Variants in MBD5 observed in about 807,000 individuals in gnomAD.
MBD5 encodes the protein methyl-CpG binding domain protein 5, also known as methyl-CpG-binding domain protein 5.
Under a neutral mutation model 117.3 loss-of-function variants are expected in MBD5, and 13 were observed. That is an observed-to-expected ratio of 0.11 (90% CI 0.07 to 0.18). The LOEUF (loss-of-function observed/expected upper bound fraction) is 0.18. MBD5 is among the 10% of genes least tolerant of loss of function. MBD5 has a pLI of 1.00. For missense variants in MBD5, 1,879 were observed against 2,093.8 expected (o/e 0.90, Z 2.00); for synonymous variants, 727 against 766.4 (o/e 0.95, Z 0.85).
intron 4 of MBD5, among the ~76,000 whole-genome samples, chr2:148,391,970 C>G (rs987037427): frequency 5.9e-5 from 9 of 152,074 alleles, no homozygotes; most frequent in African/African-American, 2.2e-4. Flanking sequence ...TATTGGAAAA[C>G]TTAATAATTT....
intron 4 of MBD5, among the ~76,000 whole-genome samples, chr2:148,361,428 T>C (rs1703530095): frequency 6.6e-6 from 1 of 152,180 alleles, no homozygotes; most frequent in Non-Finnish European, 1.5e-5. Context: ...TGAACATCAG[T>C]TGGGACACTG....
intron 1 of MBD5, among the ~76,000 whole-genome samples, chr2:148,053,600 G>C (rs1364764808): frequency 6.6e-6 from 1 of 151,822 alleles, no homozygotes; most frequent in African/African-American, 2.4e-5. Context: ...AGTATATTTA[G>C]TTTGGCCTGG....
chr2:148,099,043 A>C (rs1209427417), intron 1 of MBD5, among the ~76,000 whole-genome samples: 2 of 152,170 alleles, frequency 1.3e-5, no homozygotes, highest in African/African-American at 4.8e-5. Context: ...TGACAGAGCA[A>C]GACCTCATCT....
intron 4 of MBD5, among the ~76,000 whole-genome samples, chr2:148,345,361 A>C (rs960050214): frequency 4.3e-4 from 64 of 147,738 alleles, no homozygotes; most frequent in African/African-American, 1.4e-3. Context: ...ACACATATAC[A>C]CATATACATA....
In MBD5 at chr2:148,041,266, C is replaced by G. The variant is rs180731688; in HGVS notation, c.-925+19582C>G. 9.2e-5 allele frequency: 14 copies of G among 152,256 alleles called. No individual in the cohort carries two copies. In the East Asian group the frequency reaches 2.3e-3, roughly 25 times the overall value. 9.4% of individuals were successfully genotyped at this position (152,256 alleles called of 1,614,324 possible). A position where few individuals can be genotyped will look rare whatever the true frequency, so the allele number is the denominator to read the frequency against. On this transcript the variant is annotated intron_variant, in intron 1 of 13. Transcript: ENST00000642680. ...CTGACGACACTACAGAATCTGGACT[C>G]TATGACTTGTTTTGGGAGTAACAGG...
At chr2:148,024,299 C>G (rs745979407) in intron 1 of MBD5, among the ~76,000 whole-genome samples, 1 of 152,116 alleles carries the variant, frequency 6.6e-6, no homozygotes, top group Non-Finnish European at 1.5e-5. Context: ...TTCTCTAATA[C>G]TTATTTTCCT....
intron 7 of MBD5, among the ~76,000 whole-genome samples, chr2:148,464,512 A>G (rs1707196779): frequency 6.6e-6 from 1 of 152,092 alleles, no homozygotes; most frequent in Admixed American, 6.6e-5. Context: ...ATTCAACCCT[A>G]AATATTTCAG....
chr2:148,190,582 G>T (rs1698799053), intron 2 of MBD5, among the ~76,000 whole-genome samples: 1 of 2,930 alleles, frequency 3.4e-4, no homozygotes, highest in Admixed American at 7.6e-3. Flanking sequence ...CACCAGGCCT[G>T]CCCTAAAAGA....
intron 2 of MBD5, 86 bp from the exon 3 acceptor site, chr2:148,233,159 A>G (rs867807460): frequency 1.3e-5 from 2 of 152,332 alleles, no homozygotes; most frequent in Middle Eastern, 3.4e-3. Context: ...AAATCTCAAA[A>G]CTTCCTTAAA....
chr2:148,082,038 C>T (rs989668319), intron 1 of MBD5, among the ~76,000 whole-genome samples: 2 of 152,130 alleles, frequency 1.3e-5, no homozygotes, highest in African/African-American at 4.8e-5. Context: ...CATTCTGTAG[C>T]ATCATTCTTT....
At chr2:148,305,843 C>T (rs568203068) in intron 3 of MBD5, among the ~76,000 whole-genome samples, 1 of 152,246 alleles carries the variant, frequency 6.6e-6, no homozygotes, top group African/African-American at 2.4e-5. Flanking sequence ...GTCCAGTTTA[C>T]AAGTATATAA....
intron 3 of MBD5, among the ~76,000 whole-genome samples, chr2:148,243,487 T>A (rs1429436448): frequency 6.6e-6 from 1 of 152,076 alleles, no homozygotes; most frequent in Non-Finnish European, 1.5e-5. Context: ...ATTCTGTTTA[T>A]CAGAATATAT....
At chr2:148,292,903 A>G (rs1053004619) in intron 3 of MBD5, among the ~76,000 whole-genome samples, 4 of 150,006 alleles carry the variant, frequency 2.7e-5, no homozygotes, top group Admixed American at 1.3e-4. Flanking sequence ...AAAAAAAAAA[A>G]GGGATCCAAT....
intron 1 of MBD5, among the ~76,000 whole-genome samples, chr2:148,144,098 T>A (rs1258630711): frequency 4.6e-5 from 7 of 152,216 alleles, no homozygotes; most frequent in African/African-American, 1.4e-4. Flanking sequence ...CCACATCCTC[T>A]CTAGCACCTG....
At chr2:148,225,076 A>G (rs1699788516) in intron 2 of MBD5, among the ~76,000 whole-genome samples, 1 of 151,924 alleles carries the variant, frequency 6.6e-6, no homozygotes, top group Admixed American at 6.6e-5. Flanking sequence ...CAGTTTCTTT[A>G]TTGGTAAGTA....
At chr2:148,095,772 G>GA (rs1304888280) in intron 1 of MBD5, among the ~76,000 whole-genome samples, 2 of 151,170 alleles carry the variant, frequency 1.3e-5, no homozygotes, top group East Asian at 3.9e-4. Flanking sequence ...TCAGACTTGA[G>GA]AAAAATGCTA....
chr2:148,227,146 T>G (rs900482333), intron 2 of MBD5, among the ~76,000 whole-genome samples: 1 of 152,242 alleles, frequency 6.6e-6, no homozygotes, highest in Non-Finnish European at 1.5e-5. Flanking sequence ...TTTTGGCTTT[T>G]GTTGCCATTG....
chr2:148,423,911 G>T (rs1321423785), intron 4 of MBD5, among the ~76,000 whole-genome samples: 1 of 151,978 alleles, frequency 6.6e-6, no homozygotes, highest in Non-Finnish European at 1.5e-5. Context: ...AGGCATGGTG[G>T]CTCACGCCTG....
At chr2:148,287,998 T>C (rs1701402608) in intron 3 of MBD5, among the ~76,000 whole-genome samples, 1 of 152,172 alleles carries the variant, frequency 6.6e-6, no homozygotes, top group African/African-American at 2.4e-5. Context: ...AAGTTTATTA[T>C]AGATGCTTTC....
Sources: gnomAD v4.1 joint callset for allele counts (sites outside exome capture counted in the v4.1 genomes callset) on GRCh38, gnomAD v4.1.1 for gene constraint, MANE v1.5 for transcripts, NCBI Gene and HGNC (gene_info 2026-07-23, HGNC 2026-07-21) for gene names.